Variants in DIP2B observed in about 807,000 individuals in gnomAD.
The protein encoded by DIP2B is DIP2 acetate--CoA ligase B (putative).
In DIP2B, 76 loss-of-function variants were observed where a neutral mutation model predicts 198.0. The observed-to-expected ratio is 0.38, with a 90% CI of 0.32 to 0.46. DIP2B has a LOEUF of 0.46. Among genes scored for constraint, DIP2B ranks in the 20% least tolerant of loss-of-function variants. The pLI is 0.99. For missense variants in DIP2B, 1,559 were observed against 1,978.4 expected (o/e 0.79, Z 4.02); for synonymous variants, 701 against 739.1 (o/e 0.95, Z 0.84).
intron 3 of DIP2B, among the ~76,000 whole-genome samples, chr12:50,654,416 T>C (rs935497719): frequency 1.3e-5 from 2 of 151,424 alleles, no homozygotes; most frequent in Admixed American, 1.3e-4. Context: ...GTGCAAGTAG[T>C]GTGATCATGG....
chr12:50,727,599 C>A, intron 28 of DIP2B, 104 bp from the exon 29 acceptor site: 1 of 993,748 alleles, frequency 1.0e-6, no homozygotes, highest in Non-Finnish European at 1.6e-6. Flanking sequence ...TAAGCTTTAG[C>A]AAATCTGCGA....
chr12:50,668,873 T>G (rs1938801151), intron 4 of DIP2B, among the ~76,000 whole-genome samples: 1 of 152,212 alleles, frequency 6.6e-6, no homozygotes, highest in African/African-American at 2.4e-5. Context: ...GAATATTTTC[T>G]GAAAATTACA....
At position 50,600,405 on chromosome 12, in the gene DIP2B, G is replaced by A. The variant is rs565456025; in HGVS notation, c.101-25571G>A. Among the ~76,000 whole-genome samples the A allele has an allele frequency of 1.5e-3, 224 of 152,154 alleles. 1 individual carries two copies. Among genetic ancestry groups the A allele is most frequent in the African/African-American group, 5.3e-3 (218 of 41,498 alleles). ...CCTTGTTGTAGCGTGCATAAATGTG[G>A]GTATCAATAATACTTTGCAAATGAG... is the stretch of plus-strand genomic sequence containing the variant. On this transcript the variant is annotated intron_variant, in intron 1 of 37. Coordinates refer to ENST00000301180, the MANE Select transcript of DIP2B (RefSeq NM_173602.3).
chr12:50,679,854 A>C (rs1939007914), intron 8 of DIP2B: 1 of 152,216 alleles, frequency 6.6e-6, no homozygotes, highest in African/African-American at 2.4e-5. Flanking sequence ...TGGAATGTTT[A>C]ATCATTTGAG....
chr12:50,611,604 G>A (rs1337568890), intron 1 of DIP2B, among the ~76,000 whole-genome samples: 2 of 152,082 alleles, frequency 1.3e-5, no homozygotes, highest in Non-Finnish European at 2.9e-5. Flanking sequence ...CAGACCCAGT[G>A]GATTTGGGAG....
chr12:50,593,289 G>T (rs545391061), intron 1 of DIP2B, among the ~76,000 whole-genome samples: 2 of 152,046 alleles, frequency 1.3e-5, no homozygotes, highest in South Asian at 2.1e-4. Flanking sequence ...GGCGGATCAC[G>T]AGGTCAAGAG....
chr12:50,510,873 G>C (rs1958008434), intron 1 of DIP2B, among the ~76,000 whole-genome samples: 1 of 151,650 alleles, frequency 6.6e-6, no homozygotes, highest in Non-Finnish European at 1.5e-5. Flanking sequence ...TTGAACTCCC[G>C]ACCTCAGGTG....
At chr12:50,588,104 G>C (rs983663834) in intron 1 of DIP2B, among the ~76,000 whole-genome samples, 3 of 151,904 alleles carry the variant, frequency 2.0e-5, no homozygotes, top group African/African-American at 7.3e-5. Flanking sequence ...TGGTGAAACA[G>C]TGTTAGAAAT....
At chr12:50,688,519 T>A (rs532571037) in intron 12 of DIP2B, among the ~76,000 whole-genome samples, 5 of 151,944 alleles carry the variant, frequency 3.3e-5, no homozygotes, top group South Asian at 2.1e-4. Context: ...GGCCTGGTGG[T>A]ATGCACCTAT....
chr12:50,570,193 C>T (rs896932136), intron 1 of DIP2B, among the ~76,000 whole-genome samples: 3 of 152,126 alleles, frequency 2.0e-5, no homozygotes, highest in Non-Finnish European at 2.9e-5. Context: ...GATTTAAAAT[C>T]TTGATATCTT....
chr12:50,505,730 G>A (rs561736827), intron 1 of DIP2B, among the ~76,000 whole-genome samples: 4 of 152,144 alleles, frequency 2.6e-5, no homozygotes, highest in Middle Eastern at 3.4e-3. Context: ...TTAACAATGC[G>A]CGATGCCTCC....
At chr12:50,635,316 C>G (rs1400759919) in intron 2 of DIP2B, among the ~76,000 whole-genome samples, 1 of 152,180 alleles carries the variant, frequency 6.6e-6, no homozygotes, top group Non-Finnish European at 1.5e-5. Flanking sequence ...TTCACATTTT[C>G]TTTCTTGACC....
chr12:50,559,655 C>A (rs1351195253), intron 1 of DIP2B, among the ~76,000 whole-genome samples: 3 of 150,064 alleles, frequency 2.0e-5, no homozygotes, highest in Non-Finnish European at 4.4e-5. Flanking sequence ...ATCACTTCAG[C>A]CCAGGAAGTT....
intron 3 of DIP2B, among the ~76,000 whole-genome samples, chr12:50,658,281 T>A (rs1281156287): frequency 6.6e-6 from 1 of 151,890 alleles, no homozygotes; most frequent in African/African-American, 2.4e-5. Flanking sequence ...GAATTACAGG[T>A]GCGTGCTACC....
rs572576908 is a variant in DIP2B, at chr12:50,514,208, G to GGCAT, written c.100+8972_100+8975dup. Among the ~76,000 whole-genome samples, 353 of 151,876 alleles carry GGCAT rather than the reference G, an allele frequency of 2.3e-3. 1 individual carries two copies. The highest frequency in any genetic ancestry group is 7.9e-3 in the African/African-American group (328 of 41,472). The stretch of plus-strand genomic sequence containing the variant: ...AGCCTTCTGAGTAGCTGGGATTACA[G>GGCAT]GCATGCACCATTGGGCCCAGCTAAT... On this transcript the variant is annotated intron_variant, in intron 1 of 37. Coordinates refer to ENST00000301180, the MANE Select transcript of DIP2B (RefSeq NM_173602.3).
intron 1 of DIP2B, among the ~76,000 whole-genome samples, chr12:50,549,869 T>C (rs982132755): frequency 3.9e-5 from 6 of 152,158 alleles, no homozygotes. Flanking sequence ...TTTTTTGTTT[T>C]TTTCTTTTTT....
chr12:50,696,960 C>T (rs2060926439), intron 16 of DIP2B, 101 bp from the exon 17 acceptor site: 2 of 830,512 alleles, frequency 2.4e-6, no homozygotes, highest in South Asian at 1.8e-5. Context: ...AATATGAGTT[C>T]TCATGAGAAA....
chr12:50,551,110 A>G (rs140541960), intron 1 of DIP2B, among the ~76,000 whole-genome samples: 1 of 151,182 alleles, frequency 6.6e-6, no homozygotes, highest in East Asian at 2.0e-4. Context: ...AAAGAAAGAA[A>G]GAACATGAAG....
intron 7 of DIP2B, among the ~76,000 whole-genome samples, chr12:50,676,317 G>A (rs767456332): frequency 6.6e-6 from 1 of 152,168 alleles, no homozygotes; most frequent in East Asian, 1.9e-4. Context: ...AATAGTAATA[G>A]GTTTTGATCA....
Sources: gnomAD v4.1 joint callset for allele counts (sites outside exome capture counted in the v4.1 genomes callset) on GRCh38, gnomAD v4.1.1 for gene constraint, MANE v1.5 for transcripts, NCBI Gene and HGNC (gene_info 2026-07-23, HGNC 2026-07-21) for gene names.